Variants in LRFN2 observed in about 807,000 individuals in gnomAD.
LRFN2 encodes the protein leucine rich repeat and fibronectin type III domain containing 2.
A neutral mutation model predicts 37.3 loss-of-function variants in LRFN2; 18 were observed. The ratio of observed to expected loss-of-function variants is 0.48; its 90% CI spans 0.33 to 0.72. LRFN2 has a LOEUF of 0.72. Ranked by LOEUF, LRFN2 falls within the 30% of genes least tolerant of loss-of-function variation. The pLI, the probability that LRFN2 is intolerant of heterozygous loss-of-function variation, is 0.02. For missense variants in LRFN2, 1,006 were observed against 1,060.7 expected, an observed-to-expected ratio of 0.95 and a Z score of 0.72; for synonymous variants, 556 against 466.6, an observed-to-expected ratio of 1.19 and a Z score of -2.47.
intron 1 of LRFN2, among the ~76,000 whole-genome samples, chr6:40,466,849 C>T (rs1275330466): frequency 6.6e-6 from 1 of 152,052 alleles, no homozygotes. Flanking sequence ...AGGTAAGAGT[C>T]TTGAAGAAAT....
chr6:40,420,531 G>A (rs1763202260), intron 2 of LRFN2, among the ~76,000 whole-genome samples: 1 of 152,244 alleles, frequency 6.6e-6, no homozygotes. Context: ...CTGGGACTGT[G>A]TGGGCAGGTG....
rs143042496 is a variant in LRFN2, at chr6:40,411,419, C to T, written c.1401-18507G>A. On this transcript the variant is annotated intron_variant, in intron 2 of 2. Transcript: ENST00000338305. ...TCCACTGGCCAGCGTGGAAGCAGCC[C>T]TGGGCATGTGAGCAGGGAAAAGGAT... Among the ~76,000 whole-genome samples, 1,148 of 152,318 alleles carry T rather than the reference C, an allele frequency of 7.5e-3. 7 individuals are homozygous for T. Among genetic ancestry groups the T allele is most frequent in the Admixed American group, 0.02 (308 of 15,308 alleles).
At chr6:40,419,344 G>A (rs149392640) in intron 2 of LRFN2, among the ~76,000 whole-genome samples, 27 of 152,240 alleles carry the variant, frequency 1.8e-4, no homozygotes, top group Non-Finnish European at 3.7e-4. Flanking sequence ...ATTTCTGCAG[G>A]TGGGCTTGCC....
chr6:40,453,146 G>A (rs542228615), intron 1 of LRFN2, among the ~76,000 whole-genome samples: 1 of 152,244 alleles, frequency 6.6e-6, no homozygotes, highest in South Asian at 2.1e-4. Flanking sequence ...TCTCCAAGAA[G>A]AAACATAAAG....
chr6:40,396,321 A>T (rs2113792983), intron 2 of LRFN2, among the ~76,000 whole-genome samples: 1 of 152,310 alleles, frequency 6.6e-6, no homozygotes, highest in South Asian at 2.1e-4. Flanking sequence ...GTTTGGCTCC[A>T]GGGCCTCCGC....
chr6:40,539,539 TG>T (rs1766514038), intron 1 of LRFN2, among the ~76,000 whole-genome samples: 1 of 152,284 alleles, frequency 6.6e-6, no homozygotes, highest in Admixed American at 6.5e-5. Context: ...GACACAGTCG[TG>T]GGAGCTTTGG....
intron 1 of LRFN2, among the ~76,000 whole-genome samples, chr6:40,511,653 C>T (rs1765711834): frequency 6.6e-6 from 1 of 151,998 alleles, no homozygotes; most frequent in East Asian, 1.9e-4. Context: ...GAGGGGTGTT[C>T]CAGGAAGCAT....
intron 2 of LRFN2, among the ~76,000 whole-genome samples, chr6:40,397,680 T>G (rs1490269138): frequency 6.6e-6 from 1 of 152,188 alleles, no homozygotes; most frequent in East Asian, 1.9e-4. Flanking sequence ...AGATGGCACT[T>G]CCTAGAAGGA....
intron 1 of LRFN2, among the ~76,000 whole-genome samples, chr6:40,484,692 C>T (rs79390536): frequency 0.028 from 4,249 of 152,310 alleles, 111 homozygotes; most frequent in East Asian, 0.097. Flanking sequence ...TCAGCTGCTG[C>T]CCACCCATCA....
At chr6:40,567,001 A>G (rs1188772897) in intron 1 of LRFN2, among the ~76,000 whole-genome samples, 1 of 152,148 alleles carries the variant, frequency 6.6e-6, no homozygotes, top group East Asian at 1.9e-4. Context: ...TAGGAAGGGG[A>G]AGGCCCATTT....
At chr6:40,534,832 T>G (rs1766419834) in intron 1 of LRFN2, among the ~76,000 whole-genome samples, 1 of 152,168 alleles carries the variant, frequency 6.6e-6, no homozygotes, top group Non-Finnish European at 1.5e-5. Context: ...CAGATACCAC[T>G]TACTGAGCAC....
At chr6:40,479,346 G>A (rs1764775563) in intron 1 of LRFN2, among the ~76,000 whole-genome samples, 1 of 152,212 alleles carries the variant, frequency 6.6e-6, no homozygotes, top group South Asian at 2.1e-4. Flanking sequence ...CCACTCCTGA[G>A]CTGACAGTGG....
chr6:40,573,171 G>C (rs532504262), intron 1 of LRFN2, among the ~76,000 whole-genome samples: 1 of 152,302 alleles, frequency 6.6e-6, no homozygotes, highest in South Asian at 2.1e-4. Context: ...TAGGAATTTG[G>C]CCTCTCTGAG....
chr6:40,435,042 TATATATATATAG>T (rs1348691174), intron 1 of LRFN2, among the ~76,000 whole-genome samples: 183 of 91,946 alleles, frequency 2.0e-3, no homozygotes, highest in African/African-American at 6.6e-3. Flanking sequence ...TATATATATA[TATATATATATAG>T]AGAGAGAGAG....
chr6:40,419,120 C>T (rs1043199530), intron 2 of LRFN2, among the ~76,000 whole-genome samples: 4 of 152,216 alleles, frequency 2.6e-5, no homozygotes, highest in Non-Finnish European at 5.9e-5. Flanking sequence ...AGAACCACTG[C>T]CCTCTAAGGG....
chr6:40,435,827 C>T (rs761443031), intron 1 of LRFN2, among the ~76,000 whole-genome samples: 11 of 152,082 alleles, frequency 7.2e-5, no homozygotes, highest in African/African-American at 2.2e-4. Flanking sequence ...AAAAAAGATA[C>T]GTAATATATT....
At chr6:40,479,646 A>G (rs1323906675) in intron 1 of LRFN2, among the ~76,000 whole-genome samples, 3 of 152,202 alleles carry the variant, frequency 2.0e-5, no homozygotes, top group Admixed American at 6.5e-5. Flanking sequence ...AACGTGAAGG[A>G]AGATCCTCAA....
chr6:40,503,395 T>G (rs1765441786), intron 1 of LRFN2, among the ~76,000 whole-genome samples: 2 of 152,038 alleles, frequency 1.3e-5, no homozygotes, highest in African/African-American at 4.8e-5. Context: ...CAGAGGGAAG[T>G]GCCCACAGTG....
chr6:40,512,544 G>C (rs1765737884), intron 1 of LRFN2, among the ~76,000 whole-genome samples: 1 of 152,212 alleles, frequency 6.6e-6, no homozygotes, highest in Non-Finnish European at 1.5e-5. Flanking sequence ...GCCAGGCCAA[G>C]CCAGTCTCTG....
Sources: gnomAD v4.1 joint callset for allele counts (sites outside exome capture counted in the v4.1 genomes callset) on GRCh38, gnomAD v4.1.1 for gene constraint, MANE v1.5 for transcripts, NCBI Gene and HGNC (gene_info 2026-07-23, HGNC 2026-07-21) for gene names.